Variants in AXDND1 observed in about 807,000 individuals in gnomAD.
AXDND1 encodes the protein axonemal dynein light chain domain containing 1.
Under a neutral mutation model 137.5 loss-of-function variants are expected in AXDND1, and 110 were observed. That is an observed-to-expected ratio of 0.80 (90% CI 0.69 to 0.94). The LOEUF (loss-of-function observed/expected upper bound fraction) is 0.94. AXDND1 is among the 40% of genes least tolerant of loss of function. The pLI, the probability that AXDND1 is intolerant of heterozygous loss-of-function variation, is 0.00. For missense variants in AXDND1, 1,191 were observed against 1,169.8 expected (o/e 1.02, Z -0.26); for synonymous variants, 414 against 399.7 (o/e 1.04, Z -0.43).
intron 21 of AXDND1, among the ~76,000 whole-genome samples, chr1:179,520,489 G>A (rs1268632945): frequency 1.3e-5 from 2 of 151,838 alleles, no homozygotes; most frequent in Non-Finnish European, 2.9e-5. Context: ...TGTTGCCTCG[G>A]CTGGTCTCAA....
intron 9 of AXDND1, among the ~76,000 whole-genome samples, chr1:179,391,567 C>T (rs1650209455): frequency 6.6e-6 from 1 of 151,830 alleles, no homozygotes; most frequent in Admixed American, 6.6e-5. Context: ...GATGGAGTCT[C>T]ACTCTGTTGC....
chr1:179,366,263 C>A, intron 1 of AXDND1, 141 bp from the exon 2 acceptor site: 1 of 316,326 alleles, frequency 3.2e-6, no homozygotes, highest in Non-Finnish European at 6.0e-6. Flanking sequence ...TTCTTAGTCG[C>A]TACACATAAC....
intron 25 of AXDND1, among the ~76,000 whole-genome samples, chr1:179,547,278 T>A (rs1344165917): frequency 6.6e-6 from 1 of 152,212 alleles, no homozygotes; most frequent in East Asian, 1.9e-4. Flanking sequence ...GCTATATTGA[T>A]ATGAAGCTGT....
chr1:179,467,006 A>C (rs1444513344), intron 16 of AXDND1, among the ~76,000 whole-genome samples: 4 of 152,176 alleles, frequency 2.6e-5, no homozygotes, highest in Non-Finnish European at 5.9e-5. Flanking sequence ...TGGTGTTACC[A>C]GGACCTCTAC....
rs561362548 is a variant in AXDND1 at position 179,499,036 on chromosome 1, C to T, written c.2388+6085C>T. 3.2e-4 allele frequency among the ~76,000 whole-genome samples: 49 copies of T among 152,218 alleles called. 3 individuals carry two copies. The South Asian group carries it at 9.5e-3, about 30-fold the overall frequency. On this transcript the variant is annotated intron_variant, in intron 20 of 25. Coordinates refer to ENST00000367618, the MANE Select transcript of AXDND1 (RefSeq NM_144696.6). ...AGCCGTCTGGAGATTTCTCAAAGAA[C>T]TTAAAACAGAGCTACAGTTCAACAC...
At chr1:179,524,854 T>C (rs555385108) in intron 21 of AXDND1, among the ~76,000 whole-genome samples, 2 of 152,338 alleles carry the variant, frequency 1.3e-5, no homozygotes, top group Non-Finnish European at 2.9e-5. Context: ...TAGAGCCTCA[T>C]TGCCTTCAGG....
At chr1:179,411,290 T>C in intron 12 of AXDND1, 24 bp downstream of exon 12, 2 of 1,599,014 alleles carry the variant, frequency 1.3e-6, no homozygotes, top group Non-Finnish European at 1.7e-6. Context: ...GATTCACAAC[T>C]CACACTTCTT....
chr1:179,456,864 A>G, intron 16 of AXDND1: 1 of 839,896 alleles, frequency 1.2e-6, no homozygotes, highest in Non-Finnish European at 2.1e-6. Flanking sequence ...AGTTTTATCC[A>G]TGGAGTTATG....
chr1:179,369,302 T>A (rs988363196), intron 3 of AXDND1, among the ~76,000 whole-genome samples: 1 of 152,132 alleles, frequency 6.6e-6, no homozygotes, highest in South Asian at 2.1e-4. Flanking sequence ...GGTCTCAAAT[T>A]CCTGGGCTCA....
chr1:179,469,958 C>G (rs557185800), intron 17 of AXDND1, among the ~76,000 whole-genome samples: 15 of 152,210 alleles, frequency 9.9e-5, no homozygotes, highest in Admixed American at 8.5e-4. Context: ...AGCATTTGCT[C>G]TCTTACATTA....
At chr1:179,491,474 G>A in intron 18 of AXDND1, 64 bp from the exon 19 acceptor site, 2 of 1,091,672 alleles carry the variant, frequency 1.8e-6, no homozygotes, top group East Asian at 2.4e-5. Context: ...TTAAAATTTG[G>A]TGTGATTTTT....
intron 15 of AXDND1, among the ~76,000 whole-genome samples, chr1:179,440,554 C>T (rs1157122989): frequency 1.3e-5 from 2 of 152,182 alleles, no homozygotes; most frequent in Non-Finnish European, 2.9e-5. Flanking sequence ...TATTATAGCC[C>T]TAGCTTGGCT....
rs1427989193 is a variant in AXDND1, at chr1:179,430,612, T to C, written c.1487+6T>C. ...AAATGGCAGGAGTTCTTCAAGTGAG[T>C]CACCAAGAATCTTGTTTTTCTGATT... is the stretch of plus-strand genomic sequence containing the variant. On this transcript the variant is annotated splice_donor_region_variant and intron_variant, in intron 14 of 25. Transcript: ENST00000367618. 6.2e-7 allele frequency: 1 copy of C among 1,602,246 alleles called. No individual in the cohort carries two copies. Among genetic ancestry groups the C allele is most frequent in the Non-Finnish European group, 8.5e-7 (1 of 1,176,558 alleles).
intron 10 of AXDND1, among the ~76,000 whole-genome samples, 181 bp downstream of exon 10, chr1:179,394,224 G>T (rs1048260358): frequency 1.3e-5 from 2 of 152,150 alleles, no homozygotes; most frequent in African/African-American, 4.8e-5. Flanking sequence ...AGATAAATGG[G>T]TTATGCAAGT....
chr1:179,378,576 G>A, intron 4 of AXDND1, 61 bp from the exon 5 acceptor site: 1 of 1,326,338 alleles, frequency 7.5e-7, no homozygotes, highest in Non-Finnish European at 1.0e-6. Flanking sequence ...GATCTCACCT[G>A]CTGTTATGTG....
At chr1:179,402,357 C>T (rs1470802241) in intron 11 of AXDND1, among the ~76,000 whole-genome samples, 4 of 152,128 alleles carry the variant, frequency 2.6e-5, no homozygotes, top group African/African-American at 9.7e-5. Context: ...TCAATCCTAC[C>T]TTTCCACCCT....
chr1:179,468,390 A>G (rs1181532707), intron 16 of AXDND1, 53 bp from the exon 17 acceptor site: 1 of 1,267,972 alleles, frequency 7.9e-7, no homozygotes, highest in East Asian at 2.4e-5. Context: ...TTGGTATTAA[A>G]ATAGTAGTCT....
chr1:179,369,902 C>A, intron 3 of AXDND1, 73 bp from the exon 4 acceptor site: 2 of 1,203,552 alleles, frequency 1.7e-6, no homozygotes, highest in South Asian at 2.6e-5. Context: ...AGTACTTACT[C>A]AAAACTATTA....
rs1671352845 is a variant in AXDND1 at position 179,534,734 on chromosome 1, G to A, written c.2803G>A (p.Val935Ile). ...IEHMQEKLLE[V>I]ENRARQAEEK... The stretch of plus-strand genomic sequence containing the variant: ...GTGTCTTCTCTTCCATATCAGGGAG[G>A]TTGAAAATAGAGCCAGACAGGCAGA... The change falls in exon 25 of 26, where the codon GTT becomes ATT. Residue 935 changes from valine (V) to isoleucine (I), a missense_variant. Transcript: ENST00000367618. The A allele has an allele frequency of 6.3e-7, 1 of 1,576,280 alleles. No individual in the cohort carries two copies. Among genetic ancestry groups the A allele is most frequent in the Non-Finnish European group, 8.5e-7 (1 of 1,170,412 alleles).
Sources: gnomAD v4.1 joint callset for allele counts (sites outside exome capture counted in the v4.1 genomes callset) on GRCh38, gnomAD v4.1.1 for gene constraint, MANE v1.5 for transcripts, NCBI Gene and HGNC (gene_info 2026-07-23, HGNC 2026-07-21) for gene names.